Variants in GIMAP8 observed in about 807,000 individuals in gnomAD.
GIMAP8 encodes GTPase IMAP family member 8.
Under a neutral mutation model 35.6 loss-of-function variants are expected in GIMAP8, and 29 were observed. The observed-to-expected ratio is 0.81, with a 90% confidence interval of 0.61 to 1.11. The LOEUF (loss-of-function observed/expected upper bound fraction) is 1.11, where lower values mean the gene tolerates loss of function less well. GIMAP8 is among the 50% of genes most tolerant of loss of function. The probability of loss-of-function intolerance (pLI) is 0.00; values close to 1 mark genes in which losing one functional copy is unlikely to be tolerated. For missense variants in GIMAP8, 811 were observed against 805.0 expected (o/e 1.01, Z -0.09); for synonymous variants, 335 against 308.7 (o/e 1.09, Z -0.89).
intron 1 of GIMAP8, among the ~76,000 whole-genome samples, chr7:150,458,457 C>T (rs1425919684): frequency 6.6e-6 from 1 of 152,192 alleles, no homozygotes; most frequent in Non-Finnish European, 1.5e-5. Flanking sequence ...TCAGAGTCCA[C>T]TGATTTTAAT....
intron 1 of GIMAP8, among the ~76,000 whole-genome samples, chr7:150,464,836 C>A (rs1801918763): frequency 6.6e-6 from 1 of 152,184 alleles, no homozygotes; most frequent in Non-Finnish European, 1.5e-5. Flanking sequence ...CACTAAACTT[C>A]ATAATCAGAA....
intron 1 of GIMAP8, among the ~76,000 whole-genome samples, chr7:150,456,990 G>C (rs1375490410): frequency 1.3e-5 from 2 of 152,190 alleles, no homozygotes; most frequent in Admixed American, 6.5e-5. Context: ...CAACCCAGTG[G>C]TGCTAGAGGA....
rs972340912 is a variant in GIMAP8 at position 150,451,993 on chromosome 7, G to T, written c.-29+818G>T. ...GTAAGTGGGAACTGCGATTAGATGTGGGATGAATCCCCGCATGGCTGGATG... is the reference window on the plus strand; with the variant it reads ...GTAAGTGGGAACTGCGATTAGATGTTGGATGAATCCCCGCATGGCTGGATG... On this transcript the variant is annotated intron_variant, in intron 1 of 4. Transcript: ENST00000307271. The surrounding 1 kb of genome is among the most constrained non-coding windows in gnomAD (Gnocchi z 4.1). Among the ~76,000 whole-genome samples the T allele has an allele frequency of 3.3e-5, 5 of 152,194 alleles. No individual in the cohort carries two copies. The highest frequency in any genetic ancestry group is 5.9e-5 in the Non-Finnish European group (4 of 68,042).
chr7:150,458,618 A>G (rs191937422), intron 1 of GIMAP8, among the ~76,000 whole-genome samples: 1 of 152,290 alleles, frequency 6.6e-6, no homozygotes, highest in African/African-American at 2.4e-5. Flanking sequence ...TTCTCCATAA[A>G]TGACACTTAA....
At position 150,477,967 on chromosome 7, in the gene GIMAP8, T is replaced by C. The variant is rs902059018; in HGVS notation, c.*187T>C. Reference sequence around the variant, plus strand: ...ATAAATTGCAGGTGGGGGCGAATAGTAGGGTATTATAAAGGAGAAAGAAGA... The same window carrying C: ...ATAAATTGCAGGTGGGGGCGAATAGCAGGGTATTATAAAGGAGAAAGAAGA... On this transcript the variant is annotated 3_prime_UTR_variant, in exon 5 of 5. Transcript: ENST00000307271. 1.0e-5 allele frequency: 6 copies of C among 586,030 alleles called. No homozygotes were observed. The highest frequency in any genetic ancestry group is 3.7e-5 in the African/African-American group (2 of 53,624). 36.3% of individuals were successfully genotyped at this position (586,030 alleles called of 1,614,324 possible).
chr7:150,458,496 G>A (rs1022522241), intron 1 of GIMAP8, among the ~76,000 whole-genome samples: 2 of 152,166 alleles, frequency 1.3e-5, no homozygotes, highest in Non-Finnish European at 2.9e-5. Context: ...CACCCTCACA[G>A]AAACATTTGG....
At position 150,467,189 on chromosome 7, in the gene GIMAP8, G is replaced by A. The variant is rs756123094; in HGVS notation, c.491G>A (p.Arg164Gln). ...CAGTTGGTTCAAGACTATGAGGGCC[G>A]ATACTGCATTTTCAACAACAAGACC... is the stretch of plus-strand genomic sequence containing the variant. ...LKQLVQDYEG[R>Q]YCIFNNKTNS... The change falls in exon 2 of 5, where the codon CGA becomes CAA. Residue 164 changes from arginine to glutamine, a missense_variant. By Grantham distance (43) the Arg-to-Gln change is conservative. Transcript: ENST00000307271. 16 of 1,614,192 alleles carry A rather than the reference G, an allele frequency of 9.9e-6. No homozygotes were observed. The highest frequency in any genetic ancestry group is 4.5e-5 in the East Asian group (2 of 44,876).
chr7:150,463,920 C>A (rs2116599180), intron 1 of GIMAP8, among the ~76,000 whole-genome samples: 1 of 152,234 alleles, frequency 6.6e-6, no homozygotes, highest in Middle Eastern at 3.4e-3. Flanking sequence ...ATATATGTAG[C>A]ATTGGCAGTG....
intron 4 of GIMAP8, among the ~76,000 whole-genome samples, chr7:150,475,900 CA>C (rs1802217474): frequency 6.6e-6 from 1 of 151,906 alleles, no homozygotes; most frequent in Non-Finnish European, 1.5e-5. Context: ...TGTTAGGGGA[CA>C]AAAAAGAATA....
At chr7:150,458,228 T>C (rs1220234166) in intron 1 of GIMAP8, among the ~76,000 whole-genome samples, 1 of 152,062 alleles carries the variant, frequency 6.6e-6, no homozygotes, top group East Asian at 1.9e-4. Context: ...CAAAATCTGA[T>C]AGGGGAGGCT....
At position 150,477,927 on chromosome 7, in the gene GIMAP8, G is replaced by A; in HGVS notation, c.*147G>A. 4 of 618,158 alleles carry A rather than the reference G, an allele frequency of 6.5e-6. No individual in the cohort carries two copies. In the South Asian group the frequency reaches 8.5e-5, roughly 13 times the overall value. 38.3% of individuals were successfully genotyped at this position (618,158 alleles called of 1,614,324 possible). On this transcript the variant is annotated 3_prime_UTR_variant, in exon 5 of 5. Coordinates refer to ENST00000307271, the MANE Select transcript of GIMAP8 (RefSeq NM_175571.4). Reference sequence around the variant, plus strand: ...ATGCATCCCGCCTTGTGATGTATCAGCTATTTGTAGATAAATAAATTGCAG... The same window carrying A: ...ATGCATCCCGCCTTGTGATGTATCAACTATTTGTAGATAAATAAATTGCAG...
intron 2 of GIMAP8, among the ~76,000 whole-genome samples, chr7:150,469,836 A>G (rs940111872): frequency 6.6e-6 from 1 of 152,254 alleles, no homozygotes; most frequent in African/African-American, 2.4e-5. Flanking sequence ...TCAGTTACGC[A>G]TGTCCGTACT....
At chr7:150,466,449 AT>A (rs1331265191) in intron 1 of GIMAP8, among the ~76,000 whole-genome samples, 3 of 149,290 alleles carry the variant, frequency 2.0e-5, no homozygotes, top group East Asian at 2.0e-4. Flanking sequence ...AAAAAAAAAA[AT>A]TTAAGGAACT....
chr7:150,469,784 C>A (rs924274438), intron 2 of GIMAP8, among the ~76,000 whole-genome samples: 1 of 151,878 alleles, frequency 6.6e-6, no homozygotes, highest in South Asian at 2.1e-4. Context: ...AACAGTAAAA[C>A]CAGAAATAAA....
chr7:150,460,290 A>T lies in GIMAP8; in HGVS notation c.-28-6381A>T, dbSNP rs570716970. 6.6e-5 allele frequency among the ~76,000 whole-genome samples: 10 copies of T among 152,318 alleles called. No homozygotes were observed. The East Asian group carries it at 1.7e-3, about 26-fold the overall frequency. ...CTGCTGAAGTCACCCTTTGGTAAGCATTCATATGGGACTAAATGTCTTCAT... is the reference window on the plus strand; with the variant it reads ...CTGCTGAAGTCACCCTTTGGTAAGCTTTCATATGGGACTAAATGTCTTCAT... On this transcript the variant is annotated intron_variant, in intron 1 of 4. Coordinates refer to ENST00000307271, the MANE Select transcript of GIMAP8 (RefSeq NM_175571.4).
At chr7:150,458,781 T>C (rs1801781912) in intron 1 of GIMAP8, among the ~76,000 whole-genome samples, 1 of 152,240 alleles carries the variant, frequency 6.6e-6, no homozygotes, top group African/African-American at 2.4e-5. Flanking sequence ...AGTACTATGA[T>C]GTAAAGTTAA....
chr7:150,476,339 T>G (rs1802228498), intron 4 of GIMAP8, among the ~76,000 whole-genome samples: 3 of 152,218 alleles, frequency 2.0e-5, no homozygotes. Context: ...ATAAGAACGA[T>G]CTCCAAAGAA....
intron 1 of GIMAP8, among the ~76,000 whole-genome samples, chr7:150,453,874 C>T (rs1325612465): frequency 4.4e-5 from 6 of 137,362 alleles, no homozygotes; most frequent in Non-Finnish European, 9.4e-5. Flanking sequence ...CGGGGGTGCC[C>T]GTGGGGCATA....
Position 150,474,047 on chromosome 7 carries a change from G to A in GIMAP8, c.718G>A (p.Glu240Lys), listed in dbSNP as rs759454503. The part of the protein sequence containing the change: ...RERQLQSTGP[E>K]QNPGTSELTV... ...AAGGCAGCTGCAGTCCACAGGACCC[G>A]AGCAGAATCCGGGGACATCAGAACT... The change falls in exon 4 of 5, where the codon GAG becomes AAG. Residue 240 changes from glutamate (E) to lysine (K), a missense_variant. By Grantham distance (56) the Glu-to-Lys change is moderately conservative. Coordinates refer to ENST00000307271, the MANE Select transcript of GIMAP8 (RefSeq NM_175571.4). The A allele has an allele frequency of 6.0e-5, 97 of 1,613,924 alleles. No individual in the cohort carries two copies. The highest frequency in any genetic ancestry group is 6.9e-5 in the Non-Finnish European group (82 of 1,180,000).
Sources: allele counts gnomAD v4.1 joint callset (sites outside exome capture counted in the v4.1 genomes callset), GRCh38; gene constraint gnomAD v4.1.1; non-coding constraint Gnocchi (gnomAD v3.1); transcripts MANE v1.5; gene names NCBI Gene and HGNC (gene_info 2026-07-23, HGNC 2026-07-21).